The following RBPMS variants were observed in gnomAD, a reference collection of about 807,000 sequenced individuals.
RBPMS encodes RNA-binding protein with multiple splicing.
In RBPMS, 7 loss-of-function variants were observed where a neutral mutation model predicts 26.8. The observed-to-expected ratio is 0.26, with a 90% CI of 0.15 to 0.49. RBPMS has a LOEUF of 0.49. RBPMS is among the 20% of genes least tolerant of loss of function. The pLI, the probability that RBPMS is intolerant of heterozygous loss-of-function variation, is 0.98. For missense variants in RBPMS, 186 were observed against 250.0 expected, an observed-to-expected ratio of 0.74 and a Z score of 1.73; for synonymous variants, 96 against 93.3, an observed-to-expected ratio of 1.03 and a Z score of -0.17.
intron 4 of RBPMS, among the ~76,000 whole-genome samples, chr8:30,497,604 T>G (rs535898928): frequency 2.0e-5 from 3 of 151,916 alleles, no homozygotes; most frequent in South Asian, 4.2e-4. Flanking sequence ...AATGGTTTTT[T>G]TTGTTGTTGT....
intron 5 of RBPMS, among the ~76,000 whole-genome samples, chr8:30,526,566 GCTTCT>G (rs1248297563): frequency 6.6e-6 from 1 of 152,202 alleles, no homozygotes; most frequent in Non-Finnish European, 1.5e-5. Context: ...CCCTCAGGTT[GCTTCT>G]TGAAGCACAC....
intron 1 of RBPMS, among the ~76,000 whole-genome samples, chr8:30,415,695 C>G (rs562241730): frequency 3.3e-5 from 5 of 152,274 alleles, no homozygotes; most frequent in Admixed American, 2.0e-4. Flanking sequence ...TCTGTATTGA[C>G]TGGCCTTGGG....
At position 30,541,823 on chromosome 8, in the gene RBPMS, C is replaced by T. The variant is rs541308820; in HGVS notation, c.398-2671C>T. On this transcript the variant is annotated intron_variant, in intron 5 of 8. Transcript: ENST00000397323. ...GTGAAGGGCTTGTGCTGTGGAAAAC[C>T]AGTCTCTCTAGCTTTTGTAATTTTC... Among the ~76,000 whole-genome samples the T allele has an allele frequency of 6.6e-5, 10 of 152,278 alleles. No individual in the cohort carries two copies. The South Asian group carries it at 1.9e-3, about 28-fold the overall frequency.
chr8:30,487,680 A>G (rs1178511330), intron 4 of RBPMS, among the ~76,000 whole-genome samples: 5 of 152,102 alleles, frequency 3.3e-5, no homozygotes, highest in East Asian at 1.9e-4. Flanking sequence ...AATGTGAAAA[A>G]TTATATATGT....
At position 30,558,818 on chromosome 8, in the gene RBPMS, A is replaced by G. The variant is rs778718033; in HGVS notation, c.529-69A>G. The G allele has an allele frequency of 7.5e-6, 10 of 1,336,820 alleles. No individual in the cohort carries two copies. The Admixed American group carries it at 1.2e-4, about 16-fold the overall frequency. The allele number at this position is 1,336,820 out of a possible 1,614,324, so 82.8% of individuals were successfully genotyped here. On this transcript the variant is annotated intron_variant, in intron 6 of 8. Transcript: ENST00000397323. ...AACAGTAGGGAAGTGGTAGCCAAGC[A>G]GGACCCTCCGTGAGAATGGGGATAT...
chr8:30,490,941 C>T (rs1819324958), intron 4 of RBPMS, among the ~76,000 whole-genome samples: 1 of 152,170 alleles, frequency 6.6e-6, no homozygotes, highest in South Asian at 2.1e-4. Context: ...TAAGTTTGGA[C>T]TTGACTGTTT....
chr8:30,496,202 T>A (rs139021213), intron 4 of RBPMS, among the ~76,000 whole-genome samples: 115 of 149,848 alleles, frequency 7.7e-4, no homozygotes, highest in African/African-American at 2.7e-3. Flanking sequence ...GGAGTCTTGC[T>A]CTGTCTCCCA....
In RBPMS at chr8:30,526,444, TACTG is replaced by T. The variant is rs148164989; in HGVS notation, c.398-18046_398-18043del. Among the ~76,000 whole-genome samples the T allele has an allele frequency of 8.1e-3, 1,235 of 152,350 alleles. 15 individuals are homozygous for T. Among genetic ancestry groups the T allele is most frequent in the African/African-American group, 0.028 (1,144 of 41,582 alleles). Reference sequence around the variant, plus strand: ...GTGTTTATTCAGGCTGCGGCATTGATACTGACTACATTTATGTAGGACCATTGGT... The same window carrying T: ...GTGTTTATTCAGGCTGCGGCATTGATACTACATTTATGTAGGACCATTGGT... On this transcript the variant is annotated intron_variant, in intron 5 of 8. Coordinates refer to ENST00000397323, the MANE Select transcript of RBPMS (RefSeq NM_001008710.3).
chr8:30,569,816 G>A (rs112166788), intron 8 of RBPMS, among the ~76,000 whole-genome samples: 1,970 of 152,248 alleles, frequency 0.013, 49 homozygotes, highest in African/African-American at 0.044. Flanking sequence ...TGGCTGCCTT[G>A]AGGGCTGTCT....
chr8:30,533,710 C>T (rs1824488648), intron 5 of RBPMS, among the ~76,000 whole-genome samples: 1 of 152,168 alleles, frequency 6.6e-6, no homozygotes. Context: ...ACTCATTACT[C>T]AAAGAAGTGT....
intron 5 of RBPMS, among the ~76,000 whole-genome samples, chr8:30,510,665 T>G (rs1032740761): frequency 2.0e-5 from 3 of 152,146 alleles, no homozygotes; most frequent in Non-Finnish European, 4.4e-5. Flanking sequence ...TCCCTGCAGC[T>G]TTGACCTCCT....
At chr8:30,506,128 C>G (rs1470693796) in intron 5 of RBPMS, among the ~76,000 whole-genome samples, 2 of 152,030 alleles carry the variant, frequency 1.3e-5, no homozygotes, top group Admixed American at 1.3e-4. Flanking sequence ...TTACGACATG[C>G]TATACAAAAG....
chr8:30,496,389 C>T (rs564013483), intron 4 of RBPMS, among the ~76,000 whole-genome samples: 3 of 152,010 alleles, frequency 2.0e-5, no homozygotes. Context: ...AGGGTGGTCT[C>T]GATCTCCCAA....
chr8:30,430,055 T>C (rs982939574), intron 1 of RBPMS, among the ~76,000 whole-genome samples: 1 of 152,106 alleles, frequency 6.6e-6, no homozygotes, highest in African/African-American at 2.4e-5. Flanking sequence ...GGCGGGCAGA[T>C]TGCTTGAACC....
At chr8:30,499,874 G>C (rs1285824074) in intron 4 of RBPMS, among the ~76,000 whole-genome samples, 3 of 886 alleles carry the variant, frequency 3.4e-3, no homozygotes, top group African/African-American at 3.6e-3. Flanking sequence ...GGGAAACTGT[G>C]TGTGTGTGTG....
intron 6 of RBPMS, chr8:30,553,627 G>A (rs976493845): frequency 1.1e-4 from 16 of 152,222 alleles, no homozygotes; most frequent in Non-Finnish European, 5.9e-5. Flanking sequence ...TGTTGGGAAC[G>A]AGCCCCACAG....
intron 5 of RBPMS, among the ~76,000 whole-genome samples, chr8:30,507,131 T>C (rs1821155359): frequency 6.6e-6 from 1 of 152,162 alleles, no homozygotes; most frequent in Non-Finnish European, 1.5e-5. Flanking sequence ...TGTTGCAACT[T>C]AGCTGGGTAG....
chr8:30,411,346 TC>T (rs1252557884), intron 1 of RBPMS, among the ~76,000 whole-genome samples: 1 of 152,068 alleles, frequency 6.6e-6, no homozygotes, highest in Non-Finnish European at 1.5e-5. Context: ...TGGTGTGTGT[TC>T]CTTACTTACT....
At chr8:30,504,068 C>G (rs982504770) in intron 4 of RBPMS, among the ~76,000 whole-genome samples, 5 of 152,180 alleles carry the variant, frequency 3.3e-5, no homozygotes, top group African/African-American at 1.2e-4. Flanking sequence ...AGTTGAAAAT[C>G]TGTGTAACTA....
Sources: gnomAD v4.1 joint callset for allele counts (sites outside exome capture counted in the v4.1 genomes callset) on GRCh38, gnomAD v4.1.1 for gene constraint, MANE v1.5 for transcripts, NCBI Gene and HGNC (gene_info 2026-07-23, HGNC 2026-07-21) for gene names.